NBPF3: variants seen among roughly 807,000 people sequenced by gnomAD.
NBPF3 encodes NBPF family member NBPF3.
NBPF3 carries 57 observed loss-of-function variants against 78.1 expected under a neutral mutation model. That is an observed-to-expected ratio of 0.73 (90% CI 0.59 to 0.91). The LOEUF (loss-of-function observed/expected upper bound fraction) is 0.91, where lower values mean the gene tolerates loss of function less well. Ranked by LOEUF, NBPF3 falls within the 40% of genes least tolerant of loss-of-function variation. The probability of loss-of-function intolerance (pLI) is 0.00; values close to 1 mark genes in which losing one functional copy is unlikely to be tolerated. For synonymous variants in NBPF3, 182 were observed against 271.7 expected, an observed-to-expected ratio of 0.67 and a Z score of 3.25; for missense variants, 510 against 715.3, an observed-to-expected ratio of 0.71 and a Z score of 3.27.
chr1:21,470,101 A>T (rs1169049601), intron 3 of NBPF3, among the ~76,000 whole-genome samples: 2 of 152,186 alleles, frequency 1.3e-5, no homozygotes, highest in African/African-American at 4.8e-5. Context: ...TCATGGCCTT[A>T]TGGTCTTACG....
intron 2 of NBPF3, among the ~76,000 whole-genome samples, chr1:21,464,371 G>A (rs1392841004): frequency 6.6e-6 from 1 of 152,044 alleles, no homozygotes. Context: ...ACCACACTTT[G>A]TTATTCCATA....
intron 6 of NBPF3, among the ~76,000 whole-genome samples, 164 bp from the exon 7 acceptor site, chr1:21,473,216 G>A (rs1416730638): frequency 6.6e-6 from 1 of 152,220 alleles, no homozygotes; most frequent in Non-Finnish European, 1.5e-5. Context: ...GCCATGCTCT[G>A]TTGCAGAGAG....
chr1:21,465,778 A>G (rs3968518), intron 2 of NBPF3, among the ~76,000 whole-genome samples: 1 of 152,234 alleles, frequency 6.6e-6, no homozygotes, highest in African/African-American at 2.4e-5. Context: ...TACAAGAAAA[A>G]GAATCGTACT....
At chr1:21,464,765 T>G (rs1304649784) in intron 2 of NBPF3, among the ~76,000 whole-genome samples, 2 of 151,898 alleles carry the variant, frequency 1.3e-5, no homozygotes. Context: ...CCCAGCACTT[T>G]TGGAGAACTA....
chr1:21,476,099 G>C lies in NBPF3; in HGVS notation c.992+1148G>C, dbSNP rs896953057. ...ATCAAAGACTAGGATTGCAACCCCT[G>C]CTTTTTTTTGCTCTCCATTTGCTTG... On this transcript the variant is annotated intron_variant, in intron 8 of 14. Transcript: ENST00000318249. The surrounding 1 kb of genome is among the most constrained non-coding windows in gnomAD (Gnocchi z 4.1). Among the ~76,000 whole-genome samples, 1 of 79,040 alleles carries C rather than the reference G, an allele frequency of 1.3e-5. No individual in the cohort carries two copies. The highest frequency in any genetic ancestry group is 3.2e-5 in the Non-Finnish European group (1 of 31,656). 51.9% of individuals were successfully genotyped at this position (79,040 alleles called of 152,430 possible). A position where few individuals can be genotyped will look rare whatever the true frequency, so the allele number is the denominator to read the frequency against.
intron 2 of NBPF3, among the ~76,000 whole-genome samples, chr1:21,463,067 A>G (rs568495772): frequency 6.6e-6 from 1 of 152,330 alleles, no homozygotes; most frequent in African/African-American, 2.4e-5. Flanking sequence ...TACAGTAAAA[A>G]TAATTAGAGA....
At chr1:21,467,917 A>G (rs1373965949) in intron 2 of NBPF3, among the ~76,000 whole-genome samples, 1 of 152,224 alleles carries the variant, frequency 6.6e-6, no homozygotes, top group Non-Finnish European at 1.5e-5. Context: ...ATGGTGCCCC[A>G]GTGAGAAAAA....
chr1:21,450,362 T>G (rs1195352318), intron 2 of NBPF3, among the ~76,000 whole-genome samples: 2 of 152,172 alleles, frequency 1.3e-5, no homozygotes, highest in Non-Finnish European at 2.9e-5. Context: ...CTTCTCAAGC[T>G]CCTGCCTTCT....
intron 2 of NBPF3, among the ~76,000 whole-genome samples, chr1:21,467,982 A>C (rs1267349214): frequency 6.6e-6 from 1 of 152,234 alleles, no homozygotes; most frequent in Admixed American, 6.5e-5. Flanking sequence ...CAGGAAAGAC[A>C]ACATTTTTTA....
chr1:21,448,482 A>T (rs1019007863), intron 2 of NBPF3, among the ~76,000 whole-genome samples: 1 of 151,974 alleles, frequency 6.6e-6, no homozygotes, highest in Non-Finnish European at 1.5e-5. Context: ...TTTTCCACGA[A>T]TCTATTTGTG....
chr1:21,443,369 A>G (rs115364541), intron 1 of NBPF3, among the ~76,000 whole-genome samples: 4,598 of 152,214 alleles, frequency 0.03, 91 homozygotes, highest in Middle Eastern at 0.054. Flanking sequence ...TGTGACTTCA[A>G]TTAGATGTTA....
intron 8 of NBPF3, among the ~76,000 whole-genome samples, chr1:21,477,500 G>T (rs1263771911): frequency 6.6e-6 from 1 of 152,128 alleles, no homozygotes; most frequent in Non-Finnish European, 1.5e-5. Context: ...CTTTCTGTTT[G>T]TTAGTTTTCC....
At chr1:21,467,421 G>C in intron 2 of NBPF3, 1 of 971,496 alleles carries the variant, frequency 1.0e-6, no homozygotes, top group Non-Finnish European at 1.2e-6. Context: ...AGGTGGTTCA[G>C]GGGATCACTC....
intron 2 of NBPF3, among the ~76,000 whole-genome samples, chr1:21,455,983 T>G (rs1162002854): frequency 6.6e-6 from 1 of 152,118 alleles, no homozygotes; most frequent in Non-Finnish European, 1.5e-5. Context: ...TGGATGTGCT[T>G]TAGGAATAAG....
rs968206177 is a variant in NBPF3, at chr1:21,471,888, C to T, written c.661+105C>T. ...TTTGTATCGGTGGTGTTTTTTCCCA[C>T]TAAACGTATGTGGCCGTGACATAAG... On this transcript the variant is annotated intron_variant, in intron 5 of 14. Transcript: ENST00000318249. 2.7e-6 allele frequency: 4 copies of T among 1,470,092 alleles called. No individual in the cohort carries two copies. The African/African-American group carries it at 5.6e-5, about 20-fold the overall frequency. 91.1% of individuals were successfully genotyped at this position (1,470,092 alleles called of 1,614,324 possible).
intron 5 of NBPF3, 130 bp from the exon 6 acceptor site, chr1:21,472,713 G>A (rs553539852): frequency 2.2e-5 from 17 of 756,848 alleles, no homozygotes; most frequent in African/African-American, 3.4e-5. Flanking sequence ...TTTTGTTAAC[G>A]ATAAAACATG....
rs145787273 is a variant in NBPF3 at position 21,478,285 on chromosome 1, C to T, written c.1134C>T (p.Val378=). The T allele has an allele frequency of 1.9e-5, 31 of 1,613,900 alleles. No individual in the cohort carries two copies. The highest frequency in any genetic ancestry group is 1.5e-4 in the African/African-American group (11 of 74,914). ...TTCACTCAGTAGAGGAACAGCAAGTCGGCTTGGCTCTTGACATAGGCAGTG... is the reference window on the plus strand; with the variant it reads ...TTCACTCAGTAGAGGAACAGCAAGTTGGCTTGGCTCTTGACATAGGCAGTG... The part of the protein sequence containing the change: ...STFHSVEEQQ[V]GLALDIGRHW... The change falls in exon 9 of 15, where the codon GTC becomes GTT. Residue 378 remains valine, a synonymous_variant. Coordinates refer to ENST00000318249, the MANE Select transcript of NBPF3 (RefSeq NM_032264.6).
intron 2 of NBPF3, among the ~76,000 whole-genome samples, chr1:21,453,201 G>A (rs1484834913): frequency 6.6e-6 from 1 of 152,160 alleles, no homozygotes; most frequent in Non-Finnish European, 1.5e-5. Flanking sequence ...GAGGGCACCT[G>A]ATGGAGCCTG....
Position 21,470,677 on chromosome 1 carries a change from A to G in NBPF3, c.389A>G (p.Glu130Gly). Residue 130 changes from glutamate (E) to glycine (G), a missense_variant, in exon 4 of 15, where the codon GAG becomes GGG. Coordinates refer to ENST00000318249, the MANE Select transcript of NBPF3 (RefSeq NM_032264.6). The part of the protein sequence containing the change: ...KDLIKSMLRD[E>G]RLLTEEKLAE... ...CTCATAAAATCTATGCTGAGGGATGAGCGGCTGCTCACAGAAGAGAAGCTT... is the reference window on the plus strand; with the variant it reads ...CTCATAAAATCTATGCTGAGGGATGGGCGGCTGCTCACAGAAGAGAAGCTT... The G allele has an allele frequency of 6.2e-7, 1 of 1,601,158 alleles. No individual in the cohort carries two copies. Among genetic ancestry groups the G allele is most frequent in the East Asian group, 2.3e-5 (1 of 44,248 alleles).
Sources: gnomAD v4.1 joint callset for allele counts (sites outside exome capture counted in the v4.1 genomes callset) on GRCh38, gnomAD v4.1.1 for gene constraint, Gnocchi (gnomAD v3.1) non-coding constraint, MANE v1.5 for transcripts, NCBI Gene and HGNC (gene_info 2026-07-23, HGNC 2026-07-21) for gene names.